Variants in STK32B observed in about 807,000 individuals in gnomAD.
STK32B encodes serine/threonine kinase 32B, also known as serine/threonine-protein kinase 32B.
In STK32B, 43 loss-of-function variants were observed where a neutral mutation model predicts 52.6. The observed-to-expected ratio is 0.82, with a 90% CI of 0.64 to 1.05. The LOEUF (loss-of-function observed/expected upper bound fraction) is 1.05. STK32B is among the 50% of genes least tolerant of loss of function. The probability of loss-of-function intolerance (pLI) is 0.00; values close to 1 mark genes in which losing one functional copy is unlikely to be tolerated. For missense variants in STK32B, 621 were observed against 534.6 expected (o/e 1.16, Z -1.59); for synonymous variants, 238 against 204.3 (o/e 1.17, Z -1.41).
At chr4:5,101,966 C>T (rs1270039461) in intron 1 of STK32B, among the ~76,000 whole-genome samples, 3 of 152,178 alleles carry the variant, frequency 2.0e-5, no homozygotes, top group African/African-American at 7.2e-5. Flanking sequence ...CTAGGACCAT[C>T]CTGTTTGTCC....
At chr4:5,332,419 T>C (rs1732324802) in intron 4 of STK32B, among the ~76,000 whole-genome samples, 1 of 152,190 alleles carries the variant, frequency 6.6e-6, no homozygotes, top group African/African-American at 2.4e-5. Flanking sequence ...CTGGTATCTA[T>C]GGAATGGGGG....
At chr4:5,345,782 A>C (rs140082970) in intron 4 of STK32B, among the ~76,000 whole-genome samples, 1 of 152,378 alleles carries the variant, frequency 6.6e-6, no homozygotes, top group African/African-American at 2.4e-5. Flanking sequence ...CATAGAATTG[A>C]TCTGCTATCC....
intron 3 of STK32B, among the ~76,000 whole-genome samples, chr4:5,236,529 A>G (rs754898492): frequency 6.6e-6 from 1 of 152,198 alleles, no homozygotes; most frequent in Non-Finnish European, 1.5e-5. Flanking sequence ...TTCCAACTGC[A>G]TCAATTAGCT....
chr4:5,094,066 C>T (rs1425747072), intron 1 of STK32B, among the ~76,000 whole-genome samples: 4 of 152,106 alleles, frequency 2.6e-5, no homozygotes, highest in Non-Finnish European at 5.9e-5. Flanking sequence ...GGCATGAAAA[C>T]CTTGCACTTT....
At chr4:5,412,385 C>G (rs1711767940) in intron 5 of STK32B, among the ~76,000 whole-genome samples, 1 of 152,212 alleles carries the variant, frequency 6.6e-6, no homozygotes, top group Non-Finnish European at 1.5e-5. Flanking sequence ...ACTGGGAAGT[C>G]ACAGCTCATC....
chr4:5,140,607 T>C (rs1208393855), intron 2 of STK32B, among the ~76,000 whole-genome samples: 2 of 152,182 alleles, frequency 1.3e-5, no homozygotes, highest in Non-Finnish European at 2.9e-5. Context: ...CTTGGCCACA[T>C]AGGCGGGAAG....
At chr4:5,217,736 A>G (rs1391642436) in intron 3 of STK32B, among the ~76,000 whole-genome samples, 2 of 152,186 alleles carry the variant, frequency 1.3e-5, no homozygotes, top group African/African-American at 4.8e-5. Flanking sequence ...TTGGGGAAGA[A>G]CATTTGTCAG....
intron 7 of STK32B, among the ~76,000 whole-genome samples, chr4:5,450,188 C>G (rs907549914): frequency 4.6e-5 from 7 of 152,182 alleles, no homozygotes; most frequent in African/African-American, 1.7e-4. Context: ...AGTTCTTACC[C>G]TGGCAGGCAT....
intron 5 of STK32B, among the ~76,000 whole-genome samples, chr4:5,403,716 G>T (rs916565238): frequency 2.0e-5 from 3 of 152,106 alleles, no homozygotes; most frequent in Non-Finnish European, 2.9e-5. Context: ...CTTTTCTCTT[G>T]TCAAAGCATT....
At chr4:5,492,693 T>C (rs567162907) in intron 11 of STK32B, among the ~76,000 whole-genome samples, 10 of 151,350 alleles carry the variant, frequency 6.6e-5, no homozygotes, top group African/African-American at 2.2e-4. Flanking sequence ...GCCCATTCAG[T>C]ATGATATTGG....
chr4:5,143,524 G>C (rs1716666839), intron 2 of STK32B, among the ~76,000 whole-genome samples: 1 of 152,164 alleles, frequency 6.6e-6, no homozygotes, highest in Non-Finnish European at 1.5e-5. Flanking sequence ...CTCAAGGCTT[G>C]GATTGTATGG....
At chr4:5,278,945 C>T (rs1291232775) in intron 3 of STK32B, among the ~76,000 whole-genome samples, 1 of 152,098 alleles carries the variant, frequency 6.6e-6, no homozygotes, top group Admixed American at 6.5e-5. Context: ...AGGAAATCTG[C>T]CCCCATGATC....
At chr4:5,089,453 T>TA (rs1384414029) in intron 1 of STK32B, among the ~76,000 whole-genome samples, 1 of 152,188 alleles carries the variant, frequency 6.6e-6, no homozygotes. Flanking sequence ...TTTCTGTTCT[T>TA]CTGTTAGTTT....
At chr4:5,191,915 G>A (rs1216524462) in intron 3 of STK32B, among the ~76,000 whole-genome samples, 2 of 152,224 alleles carry the variant, frequency 1.3e-5, no homozygotes, top group Non-Finnish European at 2.9e-5. Context: ...GGCACGGGCT[G>A]AGGGAGGGGG....
chr4:5,071,745 G>A (rs1711791740), intron 1 of STK32B, among the ~76,000 whole-genome samples: 1 of 152,088 alleles, frequency 6.6e-6, no homozygotes, highest in Non-Finnish European at 1.5e-5. Flanking sequence ...ATTTGCATTG[G>A]CATTTTATTT....
intron 1 of STK32B, among the ~76,000 whole-genome samples, chr4:5,114,268 C>G (rs1714588611): frequency 6.6e-6 from 1 of 151,784 alleles, no homozygotes; most frequent in South Asian, 2.1e-4. Context: ...CCCCTCCTGC[C>G]CTTCATTCTG....
At chr4:5,342,549 TACTG>T (rs1007076102) in intron 4 of STK32B, among the ~76,000 whole-genome samples, 18 of 152,056 alleles carry the variant, frequency 1.2e-4, no homozygotes, top group African/African-American at 3.4e-4. Context: ...CGTGATAATT[TACTG>T]ACTATCAAAA....
At chr4:5,150,036 G>A (rs1320719232) in intron 2 of STK32B, among the ~76,000 whole-genome samples, 1 of 151,894 alleles carries the variant, frequency 6.6e-6, no homozygotes, top group Non-Finnish European at 1.5e-5. Flanking sequence ...TTACTTTAAA[G>A]ATTTTGTCTT....
At chr4:5,412,614 G>C (rs1009639465) in intron 5 of STK32B, among the ~76,000 whole-genome samples, 1 of 152,184 alleles carries the variant, frequency 6.6e-6, no homozygotes, top group East Asian at 1.9e-4. Context: ...TCAGCCTTGA[G>C]ACCTTGGCCC....
Sources: gnomAD v4.1 joint callset for allele counts (sites outside exome capture counted in the v4.1 genomes callset) on GRCh38, gnomAD v4.1.1 for gene constraint, MANE v1.5 for transcripts, NCBI Gene and HGNC (gene_info 2026-07-23, HGNC 2026-07-21) for gene names.